PRR16: variants seen among roughly 807,000 people sequenced by gnomAD.
PRR16 encodes the protein proline rich 16.
Under a neutral mutation model 18.2 loss-of-function variants are expected in PRR16, and 6 were observed. That is an observed-to-expected ratio of 0.33 (90% confidence interval 0.18 to 0.65). The LOEUF (loss-of-function observed/expected upper bound fraction) is 0.65, where lower values mean the gene tolerates loss of function less well. Among genes scored for constraint, PRR16 ranks in the 30% least tolerant of loss-of-function variants. The pLI is 0.74. For synonymous variants in PRR16, 151 were observed against 147.8 expected (o/e 1.02, Z -0.16); for missense variants, 412 against 376.6 (o/e 1.09, Z -0.78).
the PRR16 span, among the ~76,000 whole-genome samples, chr5:120,766,948 C>G: frequency 6.6e-6 from 1 of 151,744 alleles, no homozygotes; most frequent in Non-Finnish European, 1.5e-5. Flanking sequence ...TGAATGAAGA[C>G]AAATATTAGT....
At chr5:120,604,709 C>T (rs1182343131) in intron 1 of PRR16, among the ~76,000 whole-genome samples, 1 of 152,106 alleles carries the variant, frequency 6.6e-6, no homozygotes, top group African/African-American at 2.4e-5. Flanking sequence ...CCTTAAGGAC[C>T]TCTTGTAAGG....
chr5:120,686,915 T>G lies in PRR16; in HGVS notation c.*206T>G. The G allele has an allele frequency of 2.6e-6, 1 of 389,698 alleles. No homozygotes were observed. Among genetic ancestry groups the G allele is most frequent in the East Asian group, 3.9e-5 (1 of 25,826 alleles). 24.1% of individuals were successfully genotyped at this position (389,698 alleles called of 1,614,324 possible). A position where few individuals can be genotyped will look rare whatever the true frequency, so the allele number is the denominator to read the frequency against. Reference sequence around the variant, plus strand: ...TTTAAATGTTGTATCATTAAAAACCTCAGAATGATGAAAAATATGAATGAT... The same window carrying G: ...TTTAAATGTTGTATCATTAAAAACCGCAGAATGATGAAAAATATGAATGAT... On this transcript the variant is annotated 3_prime_UTR_variant, in exon 2 of 2. Transcript: ENST00000407149.
chr5:120,616,409 C>A (rs974530756), intron 1 of PRR16, among the ~76,000 whole-genome samples: 1 of 152,128 alleles, frequency 6.6e-6, no homozygotes, highest in African/African-American at 2.4e-5. Context: ...ATCAAGAGAT[C>A]ACTTAGCCTC....
At chr5:120,616,599 A>C (rs895201853) in intron 1 of PRR16, among the ~76,000 whole-genome samples, 2 of 152,154 alleles carry the variant, frequency 1.3e-5, no homozygotes, top group African/African-American at 4.8e-5. Context: ...AGGCTACTCT[A>C]TACTACCACA....
chr5:120,693,828 TGTA>T, the PRR16 span, among the ~76,000 whole-genome samples: 1 of 152,234 alleles, frequency 6.6e-6, no homozygotes, highest in East Asian at 1.9e-4. Context: ...ATGTCTTTCT[TGTA>T]GTAACATTTA....
At chr5:120,677,312 C>T (rs1580870757) in intron 1 of PRR16, among the ~76,000 whole-genome samples, 2 of 152,234 alleles carry the variant, frequency 1.3e-5, no homozygotes, top group South Asian at 4.1e-4. Context: ...CTTCCTGCCT[C>T]GCCTCTGTTA....
intron 1 of PRR16, among the ~76,000 whole-genome samples, chr5:120,545,776 A>G (rs1209725619): frequency 6.6e-6 from 1 of 152,040 alleles, no homozygotes; most frequent in African/African-American, 2.4e-5. Context: ...CTTAGATTTG[A>G]TCTTTTTTTA....
At chr5:120,616,275 G>A (rs1304386363) in intron 1 of PRR16, among the ~76,000 whole-genome samples, 1 of 152,174 alleles carries the variant, frequency 6.6e-6, no homozygotes, top group African/African-American at 2.4e-5. Context: ...TGTTACCAAA[G>A]TGTAAGGTGG....
At chr5:120,497,384 A>ATTGTTTTTT (rs1750285982) in intron 1 of PRR16, among the ~76,000 whole-genome samples, 2 of 84,178 alleles carry the variant, frequency 2.4e-5, no homozygotes, top group East Asian at 6.2e-4. Context: ...TGATGAACTG[A>ATTGTTTTTT]TTTTTTTTTT....
the PRR16 span, among the ~76,000 whole-genome samples, chr5:120,713,053 T>C: frequency 3.9e-5 from 6 of 152,074 alleles, no homozygotes; most frequent in Non-Finnish European, 5.9e-5. Flanking sequence ...AGCCAAAATG[T>C]GAAAACAACC....
the PRR16 span, among the ~76,000 whole-genome samples, chr5:120,743,722 A>G: frequency 6.6e-6 from 1 of 152,010 alleles, no homozygotes; most frequent in African/African-American, 2.4e-5. Flanking sequence ...CTCTGAAAGC[A>G]TTTACATCTT....
At chr5:120,670,747 C>T (rs922039721) in intron 1 of PRR16, among the ~76,000 whole-genome samples, 2 of 152,136 alleles carry the variant, frequency 1.3e-5, no homozygotes, top group Admixed American at 6.6e-5. Flanking sequence ...CATGGTTGAA[C>T]CAAACTTGGT....
chr5:120,699,123 A>AAT, the PRR16 span, among the ~76,000 whole-genome samples: 1 of 151,824 alleles, frequency 6.6e-6, no homozygotes, highest in African/African-American at 2.4e-5. Context: ...GGTGGGGGCA[A>AAT]ATCCTCGAGC....
the PRR16 span, among the ~76,000 whole-genome samples, chr5:120,785,938 T>TTTTTATGC: frequency 6.6e-6 from 1 of 151,782 alleles, no homozygotes; most frequent in Non-Finnish European, 1.5e-5. Flanking sequence ...GTTTTTCTTT[T>TTTTTATGC]TATTCTTCCA....
At chr5:120,669,448 A>G (rs974478451) in intron 1 of PRR16, among the ~76,000 whole-genome samples, 21 of 152,174 alleles carry the variant, frequency 1.4e-4, no homozygotes, top group African/African-American at 4.6e-4. Flanking sequence ...TCTTATGTGA[A>G]TTATTAACAT....
At chr5:120,549,139 A>G (rs1334213099) in intron 1 of PRR16, among the ~76,000 whole-genome samples, 1 of 152,036 alleles carries the variant, frequency 6.6e-6, no homozygotes, top group Non-Finnish European at 1.5e-5. Flanking sequence ...AGGCTCCTCC[A>G]GGCTGTAGTG....
chr5:120,643,165 A>C (rs188326297), intron 1 of PRR16, among the ~76,000 whole-genome samples: 162 of 150,492 alleles, frequency 1.1e-3, no homozygotes, highest in African/African-American at 3.7e-3. Flanking sequence ...TGTTTGAAAC[A>C]AAGAAGAGAC....
At chr5:120,528,075 A>G (rs994459505) in intron 1 of PRR16, among the ~76,000 whole-genome samples, 2 of 152,184 alleles carry the variant, frequency 1.3e-5, no homozygotes, top group African/African-American at 4.8e-5. Flanking sequence ...CTTAATAGTG[A>G]TAGGATGCTT....
At chr5:120,631,280 G>A (rs541044063) in intron 1 of PRR16, among the ~76,000 whole-genome samples, 21 of 152,184 alleles carry the variant, frequency 1.4e-4, no homozygotes, top group South Asian at 4.2e-4. Context: ...GACTTACATC[G>A]TGAACTTTTG....
Sources: allele counts gnomAD v4.1 joint callset (sites outside exome capture counted in the v4.1 genomes callset), GRCh38; gene constraint gnomAD v4.1.1; transcripts MANE v1.5; gene names NCBI Gene and HGNC (gene_info 2026-07-23, HGNC 2026-07-21).